The following TG variants were observed in gnomAD, a reference collection of about 807,000 sequenced individuals.
TG encodes the protein thyroglobulin, also known as thyroid hormones.
TG carries 270 observed loss-of-function variants against 324.7 expected under a neutral mutation model. The ratio of observed to expected loss-of-function variants is 0.83; its 90% CI spans 0.75 to 0.92. TG has a LOEUF of 0.92. TG is among the 40% of genes least tolerant of loss of function. The pLI, the probability that TG is intolerant of heterozygous loss-of-function variation, is 0.00. For synonymous variants in TG, 1,401 were observed against 1,327.0 expected (o/e 1.06, Z -1.21); for missense variants, 3,591 against 3,456.4 (o/e 1.04, Z -0.98).
chr8:133,004,790 G>A (rs914048588), intron 35 of TG, among the ~76,000 whole-genome samples: 1 of 152,144 alleles, frequency 6.6e-6, no homozygotes, highest in African/African-American at 2.4e-5. Context: ...ACCAGATGCG[G>A]ATGTTAGAAC....
At chr8:132,981,270 C>T (rs1263756266) in intron 34 of TG, among the ~76,000 whole-genome samples, 3 of 152,232 alleles carry the variant, frequency 2.0e-5, no homozygotes, top group African/African-American at 7.2e-5. Context: ...CGCCACCATT[C>T]TCATAGTGTT....
At chr8:132,891,412 G>A (rs545297381) in intron 10 of TG, among the ~76,000 whole-genome samples, 1 of 152,280 alleles carries the variant, frequency 6.6e-6, no homozygotes, top group African/African-American at 2.4e-5. Flanking sequence ...TCAGTTCACT[G>A]CAGCCTCAAC....
At chr8:132,965,760 G>T (rs540309013) in intron 29 of TG, among the ~76,000 whole-genome samples, 117 of 152,364 alleles carry the variant, frequency 7.7e-4, no homozygotes, top group Non-Finnish European at 1.5e-3. Context: ...AGCCAACAGA[G>T]GGAAGAGCAT....
chr8:133,091,667 C>T (rs1171474031), intron 41 of TG, among the ~76,000 whole-genome samples: 2 of 151,198 alleles, frequency 1.3e-5, no homozygotes, highest in African/African-American at 4.9e-5. Flanking sequence ...TATGACTGTG[C>T]GTGTGTGTCT....
At chr8:132,968,840 G>A (rs1324901236) in intron 31 of TG, among the ~76,000 whole-genome samples, 6 of 152,138 alleles carry the variant, frequency 3.9e-5, no homozygotes, top group African/African-American at 7.2e-5. Flanking sequence ...GGAAAATGTC[G>A]GGGGGACACC....
At position 133,115,186 on chromosome 8, in the gene TG, G is replaced by A. The variant is rs76308137; in HGVS notation, c.7755-1423G>A. On this transcript the variant is annotated intron_variant, in intron 44 of 47. Transcript: ENST00000220616. ...CCTTAAGGACAACCTGCGTGCTGGG[G>A]TGAGAGCTGAGACTGAGGGAAGGCA... Among the ~76,000 whole-genome samples, 27 of 152,054 alleles carry A rather than the reference G, an allele frequency of 1.8e-4. 1 individual carries two copies. The highest frequency in any genetic ancestry group is 6.5e-4 in the African/African-American group (27 of 41,488).
At chr8:133,022,896 A>C (rs544661986) in intron 40 of TG, among the ~76,000 whole-genome samples, 5 of 152,214 alleles carry the variant, frequency 3.3e-5, no homozygotes. Flanking sequence ...CCTTTCACCC[A>C]GTCTCAGTCT....
intron 34 of TG, among the ~76,000 whole-genome samples, chr8:132,972,978 A>G (rs1409262725): frequency 6.6e-5 from 10 of 152,214 alleles, no homozygotes; most frequent in African/African-American, 1.9e-4. Context: ...GACCATTTCC[A>G]TGGATGTATG....
intron 20 of TG, among the ~76,000 whole-genome samples, chr8:132,915,982 G>A (rs1357704515): frequency 3.3e-5 from 5 of 152,202 alleles, no homozygotes; most frequent in Non-Finnish European, 7.3e-5. Context: ...CGCTCACTGA[G>A]TTTTTGATAT....
chr8:132,994,787 A>G (rs1416022089), intron 35 of TG: 1 of 1,287,938 alleles, frequency 7.8e-7, no homozygotes, highest in South Asian at 1.2e-5. Context: ...TAACTGGAGT[A>G]CCTGGTGTCA....
intron 37 of TG, among the ~76,000 whole-genome samples, chr8:133,015,587 C>T (rs942640692): frequency 1.3e-5 from 2 of 152,222 alleles, no homozygotes; most frequent in Non-Finnish European, 2.9e-5. Context: ...AGCAGGCCTG[C>T]ATTCCCCCAA....
chr8:133,085,511 A>AAAGACAGAT (rs1846384472), intron 41 of TG, among the ~76,000 whole-genome samples: 1 of 152,220 alleles, frequency 6.6e-6, no homozygotes, highest in South Asian at 2.1e-4. Flanking sequence ...TCAGTAACAA[A>AAAGACAGAT]AAGACAGATA....
chr8:132,965,490 A>G (rs1167828667), intron 29 of TG, among the ~76,000 whole-genome samples: 1 of 152,238 alleles, frequency 6.6e-6, no homozygotes, highest in Non-Finnish European at 1.5e-5. Flanking sequence ...CCCCTTATAC[A>G]GAGCCCTGAA....
chr8:133,011,297 A>AG (rs1196431679), intron 35 of TG, among the ~76,000 whole-genome samples: 1 of 152,118 alleles, frequency 6.6e-6, no homozygotes, highest in African/African-American at 2.4e-5. Flanking sequence ...GGGGAAGGGG[A>AG]GGCAGTTCTC....
chr8:132,933,977 C>G (rs1823184156), intron 24 of TG, among the ~76,000 whole-genome samples: 1 of 152,088 alleles, frequency 6.6e-6, no homozygotes, highest in Non-Finnish European at 1.5e-5. Context: ...TGAGGGGGCC[C>G]TAAACACCAC....
intron 41 of TG, among the ~76,000 whole-genome samples, chr8:133,094,084 G>A (rs1848023048): frequency 6.6e-6 from 1 of 152,018 alleles, no homozygotes; most frequent in Non-Finnish European, 1.5e-5. Context: ...CCCCATAGCG[G>A]ATGCACCCTG....
At position 133,119,446 on chromosome 8, in the gene TG, G is replaced by A. The variant is rs1850965942; in HGVS notation, c.7862+2730G>A. On this transcript the variant is annotated intron_variant, in intron 45 of 47. Coordinates refer to ENST00000220616, the MANE Select transcript of TG (RefSeq NM_003235.5). ...CGTAAACTTATTGCTCACAGTTCTGGAGGCTGGAAGTCCAAGATCAAGGCA... is the reference window on the plus strand; with the variant it reads ...CGTAAACTTATTGCTCACAGTTCTGAAGGCTGGAAGTCCAAGATCAAGGCA... Among the ~76,000 whole-genome samples, 4 of 152,178 alleles carry A rather than the reference G, an allele frequency of 2.6e-5. No homozygotes were observed. In the South Asian group the frequency reaches 8.3e-4, roughly 32 times the overall value.
chr8:133,061,901 CTACTATAT>C (rs1487931214), intron 41 of TG, among the ~76,000 whole-genome samples: 1 of 152,130 alleles, frequency 6.6e-6, no homozygotes, highest in Non-Finnish European at 1.5e-5. Context: ...GGTGAGACTC[CTACTATAT>C]TAAGAAACAA....
intron 11 of TG, 95 bp from the exon 12 acceptor site, chr8:132,897,553 CT>C (rs1817291119): frequency 6.5e-7 from 1 of 1,538,570 alleles, no homozygotes; most frequent in Admixed American, 1.7e-5. Flanking sequence ...AGAAGGCCTC[CT>C]TATGTTGGAA....
Sources: allele counts gnomAD v4.1 joint callset (sites outside exome capture counted in the v4.1 genomes callset), GRCh38; gene constraint gnomAD v4.1.1; transcripts MANE v1.5; gene names NCBI Gene and HGNC (gene_info 2026-07-23, HGNC 2026-07-21).